Variants in TMEM117 observed in about 807,000 individuals in gnomAD.
The protein encoded by TMEM117 is transmembrane protein 117.
In TMEM117, 27 loss-of-function variants were observed where a neutral mutation model predicts 52.4. The observed-to-expected ratio is 0.51, with a 90% confidence interval of 0.38 to 0.71. The LOEUF (loss-of-function observed/expected upper bound fraction) is 0.71. Among genes scored for constraint, TMEM117 ranks in the 30% least tolerant of loss-of-function variants. The pLI is 0.00. For synonymous variants in TMEM117, 215 were observed against 206.3 expected (o/e 1.04, Z -0.36); for missense variants, 556 against 630.5 (o/e 0.88, Z 1.26).
chr12:43,825,758 C>T, the TMEM117 span, among the ~76,000 whole-genome samples: 1 of 152,154 alleles, frequency 6.6e-6, no homozygotes, highest in Non-Finnish European at 1.5e-5. Context: ...GATTATGAAA[C>T]TCCACCTCAA....
chr12:43,867,194 G>A (rs1386000854), intron 2 of TMEM117, among the ~76,000 whole-genome samples: 2 of 152,094 alleles, frequency 1.3e-5, no homozygotes, highest in African/African-American at 4.8e-5. Flanking sequence ...TGACAATAAT[G>A]ACAGATTGGA....
chr12:44,317,536 A>T lies in TMEM117; in HGVS notation c.768+17797A>T, dbSNP rs201929520. Among the ~76,000 whole-genome samples the T allele has an allele frequency of 2.6e-5, 4 of 152,210 alleles. No homozygotes were observed. In the East Asian group the frequency reaches 7.7e-4, roughly 29 times the overall value. On this transcript the variant is annotated intron_variant, in intron 6 of 7. Transcript: ENST00000266534. ...CAGCCTCCCAAGTAGGTGGGATTAC[A>T]GGTGCCTGCCACTACACCTGACTAA...
chr12:44,036,833 T>C (rs1215578823), intron 3 of TMEM117, among the ~76,000 whole-genome samples: 4 of 152,252 alleles, frequency 2.6e-5, no homozygotes, highest in East Asian at 1.9e-4. Context: ...TATACTCTTA[T>C]CAGCTGCAGG....
intron 6 of TMEM117, among the ~76,000 whole-genome samples, chr12:44,308,619 C>CTTTT (rs35047531): frequency 9.4e-5 from 13 of 137,934 alleles, no homozygotes; most frequent in African/African-American, 3.3e-4. Flanking sequence ...TTCTTTGTAA[C>CTTTT]TTTTTTTTTT....
intron 4 of TMEM117, among the ~76,000 whole-genome samples, chr12:44,147,931 CAAAA>C (rs61271123): frequency 1.6e-5 from 1 of 61,776 alleles, no homozygotes. Context: ...GACTCTGTCT[CAAAA>C]AAAAAAAAAA....
chr12:44,022,412 T>A lies in TMEM117; in HGVS notation c.410+78070T>A, dbSNP rs146730002. 5.2e-3 allele frequency among the ~76,000 whole-genome samples: 794 copies of A among 152,310 alleles called. 10 individuals carry two copies. The highest frequency in any genetic ancestry group is 0.018 in the African/African-American group (734 of 41,572). ...CTTGGGCGTCCAAAGGGGAACCTTT[T>A]TGAACTTGTTGTTTTAACCGTCAAA... On this transcript the variant is annotated intron_variant, in intron 3 of 7. Transcript: ENST00000266534.
chr12:43,873,700 G>A (rs1943744532), intron 2 of TMEM117, among the ~76,000 whole-genome samples: 1 of 150,608 alleles, frequency 6.6e-6, no homozygotes, highest in Non-Finnish European at 1.5e-5. Flanking sequence ...TTTCCAGTTA[G>A]TTTTAATTTT....
chr12:44,371,332 T>C (rs1951861424), intron 6 of TMEM117, among the ~76,000 whole-genome samples: 1 of 152,218 alleles, frequency 6.6e-6, no homozygotes, highest in African/African-American at 2.4e-5. Context: ...AAGTTGACTT[T>C]TGATATCATT....
At chr12:44,383,549 G>A (rs926380624) in intron 7 of TMEM117, among the ~76,000 whole-genome samples, 1 of 152,192 alleles carries the variant, frequency 6.6e-6, no homozygotes, top group African/African-American at 2.4e-5. Context: ...AGATAGTGAA[G>A]TATTTCAACA....
chr12:43,900,693 G>A (rs1001981795), intron 2 of TMEM117, among the ~76,000 whole-genome samples: 2 of 150,282 alleles, frequency 1.3e-5, no homozygotes, highest in Non-Finnish European at 2.9e-5. Flanking sequence ...ACTCCAGCCT[G>A]GGCGACAGAG....
At chr12:44,035,580 A>G (rs1342262675) in intron 3 of TMEM117, among the ~76,000 whole-genome samples, 1 of 152,244 alleles carries the variant, frequency 6.6e-6, no homozygotes, top group Non-Finnish European at 1.5e-5. Flanking sequence ...ACATTAGCCT[A>G]GGGTAACACT....
rs146066255 is a variant in TMEM117, at chr12:44,133,580, G to A, written c.411-9945G>A. 2.0e-4 allele frequency among the ~76,000 whole-genome samples: 30 copies of A among 152,068 alleles called. No homozygotes were observed. In the East Asian group the frequency reaches 2.9e-3, roughly 15 times the overall value. On this transcript the variant is annotated intron_variant, in intron 3 of 7. Transcript: ENST00000266534. Reference sequence around the variant, plus strand: ...GAAACACACATTTCAAAAGCAGAGCGTGAAATTCTTGGTGGTTAAGTCAAG... The same window carrying A: ...GAAACACACATTTCAAAAGCAGAGCATGAAATTCTTGGTGGTTAAGTCAAG...
chr12:43,819,518 T>TA, the TMEM117 span, among the ~76,000 whole-genome samples: 1 of 152,174 alleles, frequency 6.6e-6, no homozygotes, highest in Admixed American at 6.5e-5. Context: ...CTCACACCTG[T>TA]AATCCCAGCG....
chr12:44,257,856 C>T (rs1002644933), intron 5 of TMEM117, among the ~76,000 whole-genome samples: 29 of 151,980 alleles, frequency 1.9e-4, no homozygotes, highest in Non-Finnish European at 2.9e-4. Flanking sequence ...ATATTATGCA[C>T]ATATGTTTTT....
chr12:44,119,354 T>C (rs538806965), intron 3 of TMEM117, among the ~76,000 whole-genome samples: 10 of 152,324 alleles, frequency 6.6e-5, no homozygotes, highest in African/African-American at 2.4e-4. Context: ...TAGATACCTC[T>C]TGATGGCAGG....
At chr12:44,326,783 A>G (rs1217498726) in intron 6 of TMEM117, among the ~76,000 whole-genome samples, 4 of 152,062 alleles carry the variant, frequency 2.6e-5, no homozygotes, top group Non-Finnish European at 1.5e-5. Context: ...ACTTCACCAC[A>G]CTATTCACCA....
At chr12:44,307,603 A>C (rs1451883938) in intron 6 of TMEM117, among the ~76,000 whole-genome samples, 3 of 152,214 alleles carry the variant, frequency 2.0e-5, no homozygotes, top group Non-Finnish European at 4.4e-5. Context: ...TTAAATCTCA[A>C]CTTTATTTAC....
chr12:44,255,990 A>G (rs1278741938), intron 5 of TMEM117, among the ~76,000 whole-genome samples: 1 of 152,006 alleles, frequency 6.6e-6, no homozygotes, highest in Admixed American at 6.6e-5. Context: ...AATCCAGACC[A>G]TTCCTCATAT....
intron 2 of TMEM117, among the ~76,000 whole-genome samples, chr12:43,931,399 C>A (rs1030596389): frequency 6.6e-6 from 1 of 152,078 alleles, no homozygotes; most frequent in Admixed American, 6.6e-5. Flanking sequence ...GGCATCCAAT[C>A]AAAAATTACT....
Sources: gnomAD v4.1 joint callset for allele counts (sites outside exome capture counted in the v4.1 genomes callset) on GRCh38, gnomAD v4.1.1 for gene constraint, MANE v1.5 for transcripts, NCBI Gene and HGNC (gene_info 2026-07-23, HGNC 2026-07-21) for gene names.